GRM5: variants seen among roughly 807,000 people sequenced by gnomAD.
GRM5 encodes the protein metabotropic glutamate receptor 5.
Under a neutral mutation model 83.1 loss-of-function variants are expected in GRM5, and 19 were observed. That is an observed-to-expected ratio of 0.23 (90% CI 0.16 to 0.34). GRM5 has a LOEUF of 0.34. GRM5 is among the 10% of genes least tolerant of loss of function. The pLI is 1.00. For missense variants in GRM5, 1,160 were observed against 1,588.3 expected (o/e 0.73, Z 4.58); for synonymous variants, 675 against 633.6 (o/e 1.07, Z -0.98).
chr11:88,797,073 T>C (rs1943293873), intron 3 of GRM5, among the ~76,000 whole-genome samples: 2 of 152,172 alleles, frequency 1.3e-5, no homozygotes, highest in Admixed American at 6.6e-5. Context: ...CAAACATTGA[T>C]ATCATCTCTG....
chr11:88,927,994 G>A lies in GRM5; in HGVS notation c.662-77839C>T, dbSNP rs551774404. ...GGCCCGGTAGCCCACCCTGTCCTTG[G>A]TTTTTAACATAGAAATTAAGGTGGT... On this transcript the variant is annotated intron_variant, in intron 2 of 9. Coordinates refer to ENST00000305447, the MANE Select transcript of GRM5 (RefSeq NM_001143831.3). Among the ~76,000 whole-genome samples the A allele has an allele frequency of 1.1e-4, 17 of 152,112 alleles. No individual in the cohort carries two copies. The South Asian group carries it at 3.1e-3, about 28-fold the overall frequency.
In GRM5 at chr11:88,683,348, C is replaced by T. The variant is rs147934707; in HGVS notation, c.912-29945G>A. Among the ~76,000 whole-genome samples the T allele has an allele frequency of 4.0e-3, 609 of 152,322 alleles. 2 individuals are homozygous for T. The highest frequency in any genetic ancestry group is 0.017 in the South Asian group (82 of 4,826). ...CAAAAAGTCATTCCCACTATGCTGT[C>T]ACCAGCGAAAACACTGCCTAGTGGT... is the stretch of plus-strand genomic sequence containing the variant. On this transcript the variant is annotated intron_variant, in intron 3 of 9. Transcript: ENST00000305447.
intron 2 of GRM5, among the ~76,000 whole-genome samples, chr11:88,994,746 G>C (rs1434530901): frequency 6.6e-6 from 1 of 150,908 alleles, no homozygotes; most frequent in South Asian, 2.1e-4. Context: ...CAAAATCATT[G>C]TCTCAAGTAT....
At chr11:88,917,749 A>G (rs1179894146) in intron 2 of GRM5, among the ~76,000 whole-genome samples, 10 of 152,180 alleles carry the variant, frequency 6.6e-5, no homozygotes. Context: ...AGAAGAAAGG[A>G]TTTGTGTGCT....
At chr11:88,974,983 A>C (rs1450063536) in intron 2 of GRM5, among the ~76,000 whole-genome samples, 1 of 152,210 alleles carries the variant, frequency 6.6e-6, no homozygotes, top group Non-Finnish European at 1.5e-5. Context: ...AATTGAGAAG[A>C]CTTATCATGT....
At chr11:88,848,209 C>A (rs1590909230) in intron 3 of GRM5, among the ~76,000 whole-genome samples, 1 of 152,114 alleles carries the variant, frequency 6.6e-6, no homozygotes, top group Non-Finnish European at 1.5e-5. Context: ...TCATTCCTGC[C>A]AACTAGCGAC....
intron 3 of GRM5, among the ~76,000 whole-genome samples, chr11:88,810,753 G>A (rs1479899360): frequency 6.6e-6 from 1 of 152,114 alleles, no homozygotes; most frequent in Admixed American, 6.6e-5. Flanking sequence ...ATGTCAGTAT[G>A]AAGATGACCA....
At chr11:88,600,919 A>T (rs565547417) in intron 5 of GRM5, among the ~76,000 whole-genome samples, 2 of 152,360 alleles carry the variant, frequency 1.3e-5, no homozygotes, top group African/African-American at 2.4e-5. Context: ...TCCATACAAC[A>T]AAGCAATTAC....
At chr11:88,715,492 T>A (rs943469064) in intron 3 of GRM5, among the ~76,000 whole-genome samples, 1 of 151,972 alleles carries the variant, frequency 6.6e-6, no homozygotes, top group African/African-American at 2.4e-5. Flanking sequence ...AAGTTATCTA[T>A]GAAGCAGGCA....
At chr11:88,965,165 A>G (rs1424986119) in intron 2 of GRM5, among the ~76,000 whole-genome samples, 1 of 152,210 alleles carries the variant, frequency 6.6e-6, no homozygotes, top group Non-Finnish European at 1.5e-5. Flanking sequence ...TATTCAGTTC[A>G]GGCTGCTTTT....
At chr11:88,748,754 T>C (rs1223820609) in intron 3 of GRM5, among the ~76,000 whole-genome samples, 1 of 152,092 alleles carries the variant, frequency 6.6e-6, no homozygotes, top group Non-Finnish European at 1.5e-5. Flanking sequence ...GATGCCATCT[T>C]GCTATTTCAC....
chr11:88,991,817 A>G (rs1591027917), intron 2 of GRM5, among the ~76,000 whole-genome samples: 1 of 152,100 alleles, frequency 6.6e-6, no homozygotes, highest in Admixed American at 6.5e-5. Flanking sequence ...CATATGTAGA[A>G]AGCTGAAACT....
At chr11:88,634,937 T>C (rs1009313307) in intron 4 of GRM5, among the ~76,000 whole-genome samples, 28 of 152,228 alleles carry the variant, frequency 1.8e-4, no homozygotes, top group African/African-American at 6.3e-4. Context: ...GAGACCATTG[T>C]TGTATATGTG....
intron 2 of GRM5, among the ~76,000 whole-genome samples, chr11:88,925,069 G>C (rs959012252): frequency 5.9e-5 from 9 of 151,952 alleles, no homozygotes; most frequent in Non-Finnish European, 8.8e-5. Context: ...AAATTATGTA[G>C]TTATATATAA....
chr11:88,962,437 T>C (rs1320174858), intron 2 of GRM5, among the ~76,000 whole-genome samples: 1 of 152,220 alleles, frequency 6.6e-6, no homozygotes, highest in Non-Finnish European at 1.5e-5. Flanking sequence ...TTCATATATC[T>C]ACTCATCCAA....
chr11:88,965,066 G>A (rs552259), intron 2 of GRM5, among the ~76,000 whole-genome samples: 17,575 of 152,124 alleles, frequency 0.12, 3,302 homozygotes, highest in African/African-American at 0.39. Flanking sequence ...TTCTATAGGT[G>A]TTATAAACAC....
intron 2 of GRM5, among the ~76,000 whole-genome samples, chr11:89,025,957 A>G (rs1287525016): frequency 3.9e-5 from 6 of 152,248 alleles, no homozygotes; most frequent in Admixed American, 3.3e-4. Context: ...TGTGGAGTAG[A>G]TTTAAAAAAT....
intron 2 of GRM5, among the ~76,000 whole-genome samples, chr11:88,907,272 G>A (rs1481026002): frequency 2.0e-5 from 3 of 152,082 alleles, no homozygotes; most frequent in African/African-American, 7.2e-5. Context: ...TTTCCTGAAA[G>A]CCTTCCAACA....
At chr11:88,612,494 G>A (rs1938351278) in intron 4 of GRM5, among the ~76,000 whole-genome samples, 1 of 152,110 alleles carries the variant, frequency 6.6e-6, no homozygotes, top group South Asian at 2.1e-4. Context: ...GTAATGGGAT[G>A]GCTGGGTCAA....
Sources: allele counts gnomAD v4.1 joint callset (sites outside exome capture counted in the v4.1 genomes callset), GRCh38; gene constraint gnomAD v4.1.1; transcripts MANE v1.5; gene names NCBI Gene and HGNC (gene_info 2026-07-23, HGNC 2026-07-21).